The following MEIG1 variants were observed in gnomAD, a reference collection of about 807,000 sequenced individuals.
The protein encoded by MEIG1 is meiosis/spermiogenesis associated 1.
MEIG1 carries 12 observed loss-of-function variants against 11.3 expected under a neutral mutation model. That is an observed-to-expected ratio of 1.07 (90% CI 0.68 to 1.73). MEIG1 has a LOEUF of 1.73. Ranked by LOEUF, MEIG1 falls within the 40% of genes most tolerant of loss-of-function variation. The pLI, the probability that MEIG1 is intolerant of heterozygous loss-of-function variation, is 0.00. For missense variants in MEIG1, 119 were observed against 104.9 expected (o/e 1.13, Z -0.59); for synonymous variants, 41 against 33.2 (o/e 1.24, Z -0.81).
intron 1 of MEIG1, among the ~76,000 whole-genome samples, chr10:14,978,287 G>C (rs557631534): frequency 1.3e-5 from 2 of 152,040 alleles, no homozygotes; most frequent in African/African-American, 4.8e-5. Context: ...GACACATGGT[G>C]TACACATTAT....
downstream of MEIG1, among the ~76,000 whole-genome samples, chr10:14,973,769 C>CAAAAAAAAAAAA: frequency 1.1e-5 from 1 of 90,474 alleles, no homozygotes; most frequent in Non-Finnish European, 2.1e-5. Context: ...GACTCCATCT[C>CAAAAAAAAAAAA]AAAAAAAAAA....
At chr10:14,974,553 C>CA, downstream of MEIG1, among the ~76,000 whole-genome samples, 2 of 151,822 alleles carry the variant, frequency 1.3e-5, no homozygotes, top group Middle Eastern at 6.8e-3. Context: ...GGTCGTAAAC[C>CA]AGCTGTCGAG....
At chr10:14,987,997 A>T (rs1224802083) in exon 3 of MEIG1, 1 of 152,654 alleles carries the variant, frequency 6.6e-6, no homozygotes, top group Non-Finnish European at 1.5e-5. Flanking sequence ...ATTTATTATC[A>T]TCCTTCGGTT....
chr10:14,963,188 C>T (rs528178791), intron 1 of MEIG1, among the ~76,000 whole-genome samples: 38 of 152,128 alleles, frequency 2.5e-4, no homozygotes, highest in African/African-American at 8.9e-4. Flanking sequence ...CCTCTGCCCC[C>T]CAGGTTCAAG....
chr10:14,967,790 A>G (rs1843104033), intron 2 of MEIG1, among the ~76,000 whole-genome samples: 1 of 151,980 alleles, frequency 6.6e-6, no homozygotes, highest in African/African-American at 2.4e-5. Flanking sequence ...CAACCCAGGA[A>G]TACACTAATA....
At chr10:14,958,758 T>C (rs1156936151), upstream of MEIG1, among the ~76,000 whole-genome samples, 1 of 151,784 alleles carries the variant, frequency 6.6e-6, no homozygotes, top group African/African-American at 2.4e-5. Flanking sequence ...TAGCCAGGCG[T>C]GGTGGTGGGT....
At chr10:14,954,319 A>G in the MEIG1 span, 1 of 478,544 alleles carries the variant, frequency 2.1e-6, no homozygotes. Context: ...GGCGTTGCCC[A>G]TGTCTGTGGA....
At chr10:14,984,895 T>G (rs553442431) in intron 1 of MEIG1, among the ~76,000 whole-genome samples, 1 of 152,126 alleles carries the variant, frequency 6.6e-6, no homozygotes, top group African/African-American at 2.4e-5. Flanking sequence ...GCTTCAATAT[T>G]CTTCATAATA....
chr10:14,972,779 A>T lies in MEIG1; in HGVS notation c.*138A>T, dbSNP rs1843167702. The stretch of plus-strand genomic sequence containing the variant: ...TTTTGTGAAACACAAAAGCCATGAG[A>T]ATTGGTATCTGCTAATCACCTTGTC... On this transcript the variant is annotated 3_prime_UTR_variant, in exon 3 of 3. Coordinates refer to ENST00000407572, the MANE Select transcript of MEIG1 (RefSeq NM_001080836.3). 1.3e-6 allele frequency: 1 copy of T among 798,880 alleles called. No homozygotes were observed. The highest frequency in any genetic ancestry group is 3.0e-5 in the Admixed American group (1 of 33,270). The allele number at this position is 798,880 out of a possible 1,614,324, so 49.5% of individuals were successfully genotyped here.
intron 2 of MEIG1, among the ~76,000 whole-genome samples, chr10:14,969,677 A>G (rs943119487): frequency 3.9e-5 from 6 of 152,028 alleles, no homozygotes; most frequent in Non-Finnish European, 7.4e-5. Flanking sequence ...TCTACTAAAA[A>G]TACACAAAAT....
chr10:14,976,367 A>T (rs1843210293), downstream of MEIG1, among the ~76,000 whole-genome samples: 1 of 152,276 alleles, frequency 6.6e-6, no homozygotes, highest in Non-Finnish European at 1.5e-5. Flanking sequence ...TCCTAGCGGG[A>T]CATTAAGAAT....
At chr10:14,959,727 T>C (rs10752343) in intron 1 of MEIG1, among the ~76,000 whole-genome samples, 170 bp downstream of exon 1, 145,921 of 152,328 alleles carry the variant, frequency 0.96, 69,950 homozygotes, top group East Asian at 1. Context: ...CCGTGATTTT[T>C]AGGGAAGAGG....
chr10:14,972,327 C>T (rs1386918098), intron 2 of MEIG1, among the ~76,000 whole-genome samples, 186 bp from the exon 3 acceptor site: 1 of 152,170 alleles, frequency 6.6e-6, no homozygotes, highest in African/African-American at 2.4e-5. Flanking sequence ...AATTAGTTAT[C>T]TTACAGCATA....
At chr10:14,976,860 C>T (rs1010397211), downstream of MEIG1, among the ~76,000 whole-genome samples, 1 of 152,010 alleles carries the variant, frequency 6.6e-6, no homozygotes, top group Non-Finnish European at 1.5e-5. Context: ...TTCCTAATAT[C>T]CTAGCAGGAG....
chr10:14,978,604 T>A (rs1843234028), intron 1 of MEIG1, among the ~76,000 whole-genome samples: 1 of 152,006 alleles, frequency 6.6e-6, no homozygotes. Flanking sequence ...GGGATGTTAC[T>A]CATATTGTCA....
chr10:14,972,375 T>A, intron 2 of MEIG1, 138 bp from the exon 3 acceptor site: 2 of 1,144,644 alleles, frequency 1.7e-6, no homozygotes, highest in East Asian at 2.5e-5. Flanking sequence ...GGTATCATAC[T>A]TTAAAAGCTC....
In MEIG1 at chr10:14,972,684, C is replaced by A; in HGVS notation, c.*43C>A. The A allele has an allele frequency of 6.7e-7, 1 of 1,497,576 alleles. No homozygotes were observed. Among genetic ancestry groups the A allele is most frequent in the South Asian group, 1.3e-5 (1 of 77,172 alleles). The allele number at this position is 1,497,576 out of a possible 1,614,324, so 92.8% of individuals were successfully genotyped here. A position where few individuals can be genotyped will look rare whatever the true frequency, so the allele number is the denominator to read the frequency against. The stretch of plus-strand genomic sequence containing the variant: ...ACTTGTCAATTATATTTTAAGTATT[C>A]ATCATTTCCTTCTACATCATGTGTT... On this transcript the variant is annotated 3_prime_UTR_variant, in exon 3 of 3. Transcript: ENST00000407572.
chr10:14,974,478 C>T (rs1413360051), downstream of MEIG1, among the ~76,000 whole-genome samples: 5 of 152,094 alleles, frequency 3.3e-5, no homozygotes, highest in African/African-American at 9.7e-5. Context: ...CTCTCCACTA[C>T]GTGACCATCC....
Position 14,964,307 on chromosome 10 carries a change from T to C in MEIG1, c.-29-2133T>C, listed in dbSNP as rs141227341. On this transcript the variant is annotated intron_variant, in intron 1 of 2. Transcript: ENST00000407572. ...GGGAACATTTAGGCTACATCTTTCATATTGAAGAAATATTTGTCTGAAATT... is the reference window on the plus strand; with the variant it reads ...GGGAACATTTAGGCTACATCTTTCACATTGAAGAAATATTTGTCTGAAATT... 1.1e-4 allele frequency among the ~76,000 whole-genome samples: 16 copies of C among 152,132 alleles called. No homozygotes were observed. In the East Asian group the frequency reaches 2.1e-3, roughly 20 times the overall value.
Sources: allele counts gnomAD v4.1 joint callset (sites outside exome capture counted in the v4.1 genomes callset), GRCh38; gene constraint gnomAD v4.1.1; transcripts MANE v1.5; gene names NCBI Gene and HGNC (gene_info 2026-07-23, HGNC 2026-07-21).